The following SLC9D1 variants were observed in gnomAD, a reference collection of about 807,000 sequenced individuals.
The protein encoded by SLC9D1 is solute carrier family 9 member D1.
chr13:113,503,953 G>C, the SLC9D1 span: 1 of 175,216 alleles, frequency 5.7e-6, no homozygotes, highest in East Asian at 1.6e-4. Context: ...TTGTCAATTG[G>C]AAGTGAGTTA....
At chr13:113,521,362 ATG>A in the SLC9D1 span, among the ~76,000 whole-genome samples, 1 of 144,010 alleles carries the variant, frequency 6.9e-6, no homozygotes, top group Admixed American at 7.0e-5. Context: ...ATCTGCATGC[ATG>A]TGTGGTGTGT....
the SLC9D1 span, chr13:113,498,674 CTTGTA>C: frequency 1.0e-5 from 6 of 594,674 alleles, no homozygotes; most frequent in Middle Eastern, 3.3e-4. Flanking sequence ...ATAATTTGGT[CTTGTA>C]GAAGTAAGCT....
the SLC9D1 span, among the ~76,000 whole-genome samples, chr13:113,520,356 C>T: frequency 2.0e-5 from 3 of 151,760 alleles, no homozygotes; most frequent in Non-Finnish European, 4.4e-5. Context: ...TGATGGCAGG[C>T]GCCTATAATC....
At chr13:113,539,905 G>A in the SLC9D1 span, among the ~76,000 whole-genome samples, 1 of 152,060 alleles carries the variant, frequency 6.6e-6, no homozygotes, top group African/African-American at 2.4e-5. This position sits in a 1 kb window ranked among gnomAD's most constrained non-coding sequence, Gnocchi z 4.8. Flanking sequence ...AGTGTCTCTT[G>A]CTCCCGTCTT....
At chr13:113,534,570 C>T in the SLC9D1 span, 14 of 348,222 alleles carry the variant, frequency 4.0e-5, 1 homozygote, top group Non-Finnish European at 6.7e-5. Flanking sequence ...AGGAGAATCA[C>T]TTGAGCTCAG....
the SLC9D1 span, among the ~76,000 whole-genome samples, chr13:113,495,307 C>T: frequency 6.6e-6 from 1 of 152,218 alleles, no homozygotes; most frequent in South Asian, 2.1e-4. Context: ...CTTCACAAAG[C>T]ACCATACAAG....
the SLC9D1 span, among the ~76,000 whole-genome samples, chr13:113,493,518 G>T: frequency 6.6e-6 from 1 of 152,162 alleles, no homozygotes; most frequent in African/African-American, 2.4e-5. Context: ...ATGACTAAGT[G>T]ATTGCCTCAT....
chr13:113,514,307 TA>T, the SLC9D1 span: 1 of 152,232 alleles, frequency 6.6e-6, no homozygotes, highest in East Asian at 1.9e-4. Flanking sequence ...AGCAAAGGAT[TA>T]ATATTCAGAA....
the SLC9D1 span, among the ~76,000 whole-genome samples, chr13:113,506,546 CGTGT>C: frequency 7.4e-6 from 1 of 134,316 alleles, no homozygotes; most frequent in African/African-American, 3.1e-5. Flanking sequence ...GCAGCATGGG[CGTGT>C]GTGTGTGAGT....
chr13:113,521,260 G>A, the SLC9D1 span, among the ~76,000 whole-genome samples: 1 of 151,124 alleles, frequency 6.6e-6, no homozygotes, highest in Non-Finnish European at 1.5e-5. Context: ...TGTTTGTTCT[G>A]TGGTATGTCT....
At chr13:113,539,488 C>A in the SLC9D1 span, 20 of 1,612,680 alleles carry the variant, frequency 1.2e-5, no homozygotes, top group Non-Finnish European at 1.6e-5. This position sits in a 1 kb window ranked among gnomAD's most constrained non-coding sequence, Gnocchi z 4.8. Flanking sequence ...TCCTGGCCAT[C>A]GTTTTCTTCG....
At chr13:113,550,167 AATAAAG>A in the SLC9D1 span, 2 of 152,780 alleles carry the variant, frequency 1.3e-5, no homozygotes, top group Non-Finnish European at 2.9e-5. Flanking sequence ...TGTATTCTTT[AATAAAG>A]ATAATTTATG....
At chr13:113,549,125 G>C in the SLC9D1 span, among the ~76,000 whole-genome samples, 1 of 152,194 alleles carries the variant, frequency 6.6e-6, no homozygotes, top group African/African-American at 2.4e-5. Flanking sequence ...TGAAATCACA[G>C]TCTCTCCTAC....
At chr13:113,494,014 A>G in the SLC9D1 span, among the ~76,000 whole-genome samples, 1 of 152,218 alleles carries the variant, frequency 6.6e-6, no homozygotes, top group Admixed American at 6.5e-5. Context: ...TTGCCTGGGA[A>G]ACTCGATTAA....
the SLC9D1 span, chr13:113,505,628 G>C: frequency 7.9e-5 from 12 of 152,322 alleles, no homozygotes; most frequent in Non-Finnish European, 1.0e-4. Context: ...GGGGAAAAAT[G>C]GGAAAGAAGC....
At chr13:113,513,914 C>T in the SLC9D1 span, among the ~76,000 whole-genome samples, 9 of 152,126 alleles carry the variant, frequency 5.9e-5, no homozygotes, top group Non-Finnish European at 1.2e-4. Flanking sequence ...GAGGATGTCC[C>T]GGTGGATAGC....
At chr13:113,500,404 G>A in the SLC9D1 span, among the ~76,000 whole-genome samples, 1 of 152,210 alleles carries the variant, frequency 6.6e-6, no homozygotes, top group Non-Finnish European at 1.5e-5. Context: ...GAAATTAGGA[G>A]TTACTGTAAT....
chr13:113,536,668 G>A, the SLC9D1 span: 1 of 650,062 alleles, frequency 1.5e-6, no homozygotes, highest in Non-Finnish European at 1.9e-6. Context: ...CCGTGCACCT[G>A]CTGCCAGCTG....
At chr13:113,493,252 G>A in the SLC9D1 span, among the ~76,000 whole-genome samples, 9 of 152,174 alleles carry the variant, frequency 5.9e-5, no homozygotes, top group African/African-American at 2.2e-4. Flanking sequence ...TGAACATAGA[G>A]GTGTCATTCA....
Sources: allele counts gnomAD v4.1 joint callset (sites outside exome capture counted in the v4.1 genomes callset), GRCh38; gene constraint gnomAD v4.1.1; non-coding constraint Gnocchi (gnomAD v3.1); transcripts MANE v1.5; gene names NCBI Gene and HGNC (gene_info 2026-07-23, HGNC 2026-07-21).